POMGNT2: variants seen among roughly 807,000 people sequenced by gnomAD.
The protein encoded by POMGNT2 is protein O-linked-mannose beta-1,4-N-acetylglucosaminyltransferase 2.
POMGNT2 carries 32 observed loss-of-function variants against 37.8 expected under a neutral mutation model. The observed-to-expected ratio is 0.85, with a 90% CI of 0.64 to 1.14. The LOEUF is 1.14. POMGNT2 is among the 50% of genes most tolerant of loss of function. The pLI, the probability that POMGNT2 is intolerant of heterozygous loss-of-function variation, is 0.00. For synonymous variants in POMGNT2, 340 were observed against 336.8 expected (o/e 1.01, Z -0.10); for missense variants, 705 against 780.6 (o/e 0.90, Z 1.15).
At chr3:43,092,305 GT>G (rs1415649019) in intron 1 of POMGNT2, among the ~76,000 whole-genome samples, 2 of 151,916 alleles carry the variant, frequency 1.3e-5, no homozygotes. Flanking sequence ...GTTTTGTTTT[GT>G]TTTTTTGAGA....
chr3:43,104,771 CACTT>C, intron 1 of POMGNT2, among the ~76,000 whole-genome samples: 2 of 152,326 alleles, frequency 1.3e-5, no homozygotes, highest in Middle Eastern at 3.4e-3. Flanking sequence ...ATTTGCCACA[CACTT>C]ACTGTTAGAC....
At chr3:43,095,740 CTG>C (rs895733088) in intron 1 of POMGNT2, among the ~76,000 whole-genome samples, 10 of 152,230 alleles carry the variant, frequency 6.6e-5, no homozygotes, top group East Asian at 1.9e-4. Flanking sequence ...ACTCTAAAGA[CTG>C]TGTTGAAAAC....
Position 43,081,515 on chromosome 3 carries a change from C to T in POMGNT2, c.-84G>A, listed in dbSNP as rs2089856489. The T allele has an allele frequency of 4.3e-6, 5 of 1,169,098 alleles. No homozygotes were observed. Among genetic ancestry groups the T allele is most frequent in the African/African-American group, 1.6e-5 (1 of 64,428 alleles). The allele number at this position is 1,169,098 out of a possible 1,614,324, so 72.4% of individuals were successfully genotyped here. The stretch of plus-strand genomic sequence containing the variant: ...GGCAGGCTTCACCCATCCCTATGGG[C>T]ATCCTGAGAACTGGTGAAAGCCTGC... On this transcript the variant is annotated 5_prime_UTR_variant, in exon 2 of 2. An upstream start codon of the reference 5' UTR is lost. Transcript: ENST00000344697.
Position 43,093,578 on chromosome 3 carries a change from C to A in POMGNT2, c.-105-12042G>T, listed in dbSNP as rs533086231. Among the ~76,000 whole-genome samples, 11 of 152,258 alleles carry A rather than the reference C, an allele frequency of 7.2e-5. No individual in the cohort carries two copies. In the South Asian group the frequency reaches 2.1e-3, roughly 29 times the overall value. On this transcript the variant is annotated intron_variant, in intron 1 of 1. Coordinates refer to ENST00000344697, the MANE Select transcript of POMGNT2 (RefSeq NM_032806.6). ...GCTAGAAACAGCACGGTGGATAGAG[C>A]ATAGGTCCTGGAGTTCTGATTGCCT...
intron 1 of POMGNT2, among the ~76,000 whole-genome samples, chr3:43,092,363 T>C: frequency 6.6e-6 from 1 of 152,208 alleles, no homozygotes; most frequent in East Asian, 1.9e-4. Flanking sequence ...AGTGGCATGA[T>C]ACCAGCTCAC....
In POMGNT2 at chr3:43,079,354, A is replaced by G. The variant is rs1387509596; in HGVS notation, c.*335T>C. ...CAGTACATGATTACTCGGTTTCCAG[A>G]AATCTGGATACCAGAAAAACTCAGT... On this transcript the variant is annotated 3_prime_UTR_variant, in exon 2 of 2. Transcript: ENST00000344697. The G allele has an allele frequency of 3.4e-6, 1 of 290,990 alleles. No individual in the cohort carries two copies. The highest frequency in any genetic ancestry group is 2.2e-5 in the African/African-American group (1 of 45,620). 18.0% of individuals were successfully genotyped at this position (290,990 alleles called of 1,614,324 possible).
At chr3:43,103,354 A>G (rs998462892) in intron 1 of POMGNT2, among the ~76,000 whole-genome samples, 2 of 152,126 alleles carry the variant, frequency 1.3e-5, no homozygotes, top group African/African-American at 4.8e-5. Context: ...ATGCAGCCCC[A>G]GAACATTTCC....
chr3:43,082,498 C>T (rs1007999187), intron 1 of POMGNT2, among the ~76,000 whole-genome samples: 1 of 152,034 alleles, frequency 6.6e-6, no homozygotes, highest in Non-Finnish European at 1.5e-5. Context: ...TTTTAAATGC[C>T]CTCTCCCATA....
chr3:43,083,870 A>T (rs753239890), intron 1 of POMGNT2, among the ~76,000 whole-genome samples: 2 of 152,194 alleles, frequency 1.3e-5, no homozygotes, highest in Admixed American at 6.5e-5. Flanking sequence ...CCCTTCTTTG[A>T]AGAACTTCTG....
intron 1 of POMGNT2, among the ~76,000 whole-genome samples, chr3:43,103,057 C>T (rs964294051): frequency 6.6e-6 from 1 of 152,126 alleles, no homozygotes; most frequent in African/African-American, 2.4e-5. Flanking sequence ...AAGTAACATA[C>T]TAGTGTGATA....
chr3:43,095,657 G>A (rs1232549936), intron 1 of POMGNT2, among the ~76,000 whole-genome samples: 1 of 152,164 alleles, frequency 6.6e-6, no homozygotes. Flanking sequence ...AGGAACCGGA[G>A]GTTGAGGAGG....
chr3:43,079,496 AG>A lies in POMGNT2; in HGVS notation c.*192del. On this transcript the variant is annotated 3_prime_UTR_variant, in exon 2 of 2. Coordinates refer to ENST00000344697, the MANE Select transcript of POMGNT2 (RefSeq NM_032806.6). ...GGGTACAAATGTTCAGGATGGGAGAAGGGGAAGTCAGGTCCCTTATCTCTAG... is the reference window on the plus strand; with the variant it reads ...GGGTACAAATGTTCAGGATGGGAGAAGGGAAGTCAGGTCCCTTATCTCTAG... 1.8e-6 allele frequency: 1 copy of A among 549,152 alleles called. No homozygotes were observed. Among genetic ancestry groups the A allele is most frequent in the Non-Finnish European group, 3.2e-6 (1 of 315,260 alleles). The allele number at this position is 549,152 out of a possible 1,614,324, so 34.0% of individuals were successfully genotyped here. A position where few individuals can be genotyped will look rare whatever the true frequency, so the allele number is the denominator to read the frequency against.
At chr3:43,101,150 G>A (rs1020543063) in intron 1 of POMGNT2, among the ~76,000 whole-genome samples, 3 of 152,178 alleles carry the variant, frequency 2.0e-5, no homozygotes, top group South Asian at 2.1e-4. Flanking sequence ...ATGGTGACAC[G>A]TGCAACCCAA....
In POMGNT2 at chr3:43,080,244, C is replaced by T. The variant is rs748048257; in HGVS notation, c.1188G>A (p.Met396Ile). Reference protein sequence around the residue: ...MDLQYVAWRNMMPENTVTHPE... With the variant: ...MDLQYVAWRNIMPENTVTHPE... The stretch of plus-strand genomic sequence containing the variant: ...GGTGTGTGACTGTGTTCTCTGGCAT[C>T]ATGTTCCGCCAGGCTACATACTGGA... Residue 396 changes from methionine to isoleucine, a missense_variant, in exon 2 of 2, where the codon ATG becomes ATA. Transcript: ENST00000344697. 1 of 1,614,202 alleles carries T rather than the reference C, an allele frequency of 6.2e-7. No homozygotes were observed. The highest frequency in any genetic ancestry group is 1.1e-5 in the South Asian group (1 of 91,080).
chr3:43,103,873 A>G (rs1035453992), intron 1 of POMGNT2, among the ~76,000 whole-genome samples: 1 of 152,136 alleles, frequency 6.6e-6, no homozygotes, highest in Non-Finnish European at 1.5e-5. Flanking sequence ...AAACACAATT[A>G]TACCTACTTC....
Position 43,080,064 on chromosome 3 carries a change from G to C in POMGNT2, c.1368C>G (p.Ser456=). ...CCACGCGCCGTATGGTTTGAATGAGGGACGGGATGTCCACCTTGGTGTCCT... is the reference window on the plus strand; with the variant it reads ...CCACGCGCCGTATGGTTTGAATGAGCGACGGGATGTCCACCTTGGTGTCCT... ...IYQDTKVDIP[S]LIQTIRRVVK... Residue 456 remains serine (S), a synonymous_variant, in exon 2 of 2, where the codon TCC becomes TCG. Coordinates refer to ENST00000344697, the MANE Select transcript of POMGNT2 (RefSeq NM_032806.6). 1 of 1,613,912 alleles carries C rather than the reference G, an allele frequency of 6.2e-7. No homozygotes were observed. Among genetic ancestry groups the C allele is most frequent in the Non-Finnish European group, 8.5e-7 (1 of 1,180,002 alleles).
chr3:43,105,634 G>A (rs2090053098), intron 1 of POMGNT2, among the ~76,000 whole-genome samples: 1 of 44,144 alleles, frequency 2.3e-5, no homozygotes, highest in African/African-American at 9.2e-5. Context: ...CCCACCTCCC[G>A]CGCCTCCCTC....
At position 43,087,402 on chromosome 3, in the gene POMGNT2, C is replaced by T. The variant is rs367866515; in HGVS notation, c.-105-5866G>A. On this transcript the variant is annotated intron_variant, in intron 1 of 1. Transcript: ENST00000344697. ...GAGAAGCAATTTGCCCAATGTCACA[C>T]AGCAAATCAGGAAAAAGAATGGAAG... 27 of 152,224 alleles carry T rather than the reference C, an allele frequency of 1.8e-4. 3 individuals carry two copies. Among genetic ancestry groups the T allele is most frequent in the Admixed American group, 9.2e-4 (14 of 15,286 alleles). The allele number at this position is 152,224 out of a possible 1,614,324, so 9.4% of individuals were successfully genotyped here.
chr3:43,085,225 G>A (rs953279455), intron 1 of POMGNT2, among the ~76,000 whole-genome samples: 8 of 152,272 alleles, frequency 5.3e-5, no homozygotes, highest in African/African-American at 1.4e-4. Flanking sequence ...ACTACTAGGC[G>A]GTCGTGAAAG....
Sources: gnomAD v4.1 joint callset for allele counts (sites outside exome capture counted in the v4.1 genomes callset) on GRCh38, gnomAD v4.1.1 for gene constraint, MANE v1.5 for transcripts, NCBI Gene and HGNC (gene_info 2026-07-23, HGNC 2026-07-21) for gene names.